AHCYL2: variants seen among roughly 807,000 people sequenced by gnomAD.
AHCYL2 encodes the protein S-adenosylhomocysteine hydrolase-like protein 2.
AHCYL2 carries 28 observed loss-of-function variants against 81.4 expected under a neutral mutation model. That is an observed-to-expected ratio of 0.34 (90% CI 0.25 to 0.47). The LOEUF is 0.47. Among genes scored for constraint, AHCYL2 ranks in the 20% least tolerant of loss-of-function variants. The probability of loss-of-function intolerance (pLI) is 1.00; values close to 1 mark genes in which losing one functional copy is unlikely to be tolerated. For synonymous variants in AHCYL2, 272 were observed against 290.2 expected, an observed-to-expected ratio of 0.94 and a Z score of 0.64; for missense variants, 551 against 785.1, an observed-to-expected ratio of 0.70 and a Z score of 3.56.
At position 129,424,830 on chromosome 7, in the gene AHCYL2, C is replaced by T. The variant is rs189317822; in HGVS notation, c.1561-44C>T. On this transcript the variant is annotated intron_variant, in intron 13 of 16. Coordinates refer to ENST00000325006, the MANE Select transcript of AHCYL2 (RefSeq NM_015328.4). ...TCTTCCCTCACTTCTCAAAGGCCAG[C>T]GACTTTGTCCTAATCCATTTGTGTC... is the stretch of plus-strand genomic sequence containing the variant. The T allele has an allele frequency of 1.4e-5, 22 of 1,607,122 alleles. No individual in the cohort carries two copies. The East Asian group carries it at 2.9e-4, about 21-fold the overall frequency.
intron 1 of AHCYL2, among the ~76,000 whole-genome samples, chr7:129,338,747 G>T (rs1328792943): frequency 6.6e-6 from 1 of 152,156 alleles, no homozygotes; most frequent in Non-Finnish European, 1.5e-5. Context: ...AAATCAATTT[G>T]TTGGAGCTTT....
intron 1 of AHCYL2, among the ~76,000 whole-genome samples, chr7:129,328,562 G>A (rs928746997): frequency 1.3e-5 from 2 of 151,746 alleles, no homozygotes; most frequent in South Asian, 2.1e-4. Context: ...TCAGCTCACC[G>A]CAACCTCCAC....
At chr7:129,388,964 G>A in intron 2 of AHCYL2, 92 bp from the exon 3 acceptor site, 1 of 1,498,028 alleles carries the variant, frequency 6.7e-7, no homozygotes, top group Non-Finnish European at 9.1e-7. Context: ...TATGGTGCTA[G>A]GTGGCTAGAG....
intron 1 of AHCYL2, among the ~76,000 whole-genome samples, chr7:129,293,392 G>A (rs920397415): frequency 6.6e-6 from 1 of 152,074 alleles, no homozygotes; most frequent in African/African-American, 2.4e-5. Flanking sequence ...AAATGTTCTA[G>A]TAGAAGCCAC....
chr7:129,351,455 T>G (rs2150830571), intron 1 of AHCYL2: 2 of 152,320 alleles, frequency 1.3e-5, no homozygotes, highest in Middle Eastern at 6.8e-3. Context: ...AACCCCACTC[T>G]ACACTCAAGA....
intron 1 of AHCYL2, among the ~76,000 whole-genome samples, chr7:129,237,616 A>G (rs1364310562): frequency 6.6e-6 from 1 of 152,020 alleles, no homozygotes; most frequent in East Asian, 1.9e-4. Flanking sequence ...AGCCCCAATG[A>G]TATCTCGGAT....
chr7:129,288,991 A>AG (rs1393277602), intron 1 of AHCYL2, among the ~76,000 whole-genome samples: 1 of 152,188 alleles, frequency 6.6e-6, no homozygotes, highest in East Asian at 1.9e-4. Context: ...CGTGTTGCCC[A>AG]GGCTGGTCCT....
intron 1 of AHCYL2, among the ~76,000 whole-genome samples, chr7:129,313,587 T>G (rs1170754330): frequency 6.6e-6 from 1 of 152,198 alleles, no homozygotes; most frequent in East Asian, 1.9e-4. Context: ...ACTGAAGTGA[T>G]AATACCTTGA....
At chr7:129,328,806 A>G (rs1451996431) in intron 1 of AHCYL2, among the ~76,000 whole-genome samples, 1 of 152,102 alleles carries the variant, frequency 6.6e-6, no homozygotes, top group Non-Finnish European at 1.5e-5. Context: ...TTCTAATGCT[A>G]TTGCTGCATA....
chr7:129,414,020 T>G (rs1174203449), intron 12 of AHCYL2, among the ~76,000 whole-genome samples: 1 of 152,192 alleles, frequency 6.6e-6, no homozygotes, highest in East Asian at 1.9e-4. Context: ...ATACAATGAA[T>G]GTGAATCAGT....
chr7:129,278,059 A>G (rs1796288512), intron 1 of AHCYL2, among the ~76,000 whole-genome samples: 1 of 152,188 alleles, frequency 6.6e-6, no homozygotes, highest in Admixed American at 6.6e-5. Flanking sequence ...ATTCCTCCAC[A>G]TCCTCATCAA....
At chr7:129,356,372 C>A (rs1391609720) in intron 1 of AHCYL2, among the ~76,000 whole-genome samples, 1 of 152,144 alleles carries the variant, frequency 6.6e-6, no homozygotes, top group Non-Finnish European at 1.5e-5. Flanking sequence ...TTTTAAATTA[C>A]TATAAACCAC....
At chr7:129,394,799 A>C (rs1187296166) in intron 4 of AHCYL2, among the ~76,000 whole-genome samples, 1 of 152,178 alleles carries the variant, frequency 6.6e-6, no homozygotes, top group East Asian at 1.9e-4. Context: ...ATCTATTCAT[A>C]GATGTTGTCT....
intron 1 of AHCYL2, among the ~76,000 whole-genome samples, chr7:129,265,794 G>A (rs1308170056): frequency 6.6e-6 from 1 of 152,206 alleles, no homozygotes; most frequent in Non-Finnish European, 1.5e-5. Flanking sequence ...GTAGGGTTGA[G>A]AATAGACTGA....
chr7:129,334,195 G>C (rs1798515583), intron 1 of AHCYL2, among the ~76,000 whole-genome samples: 2 of 152,156 alleles, frequency 1.3e-5, no homozygotes, highest in South Asian at 4.1e-4. Flanking sequence ...ACAGAAGTTA[G>C]TATATAGAAA....
intron 1 of AHCYL2, among the ~76,000 whole-genome samples, chr7:129,306,536 AT>A (rs1330530897): frequency 6.6e-6 from 1 of 151,824 alleles, no homozygotes; most frequent in Non-Finnish European, 1.5e-5. Flanking sequence ...CAAAACAGTT[AT>A]TTTGAATTCT....
At chr7:129,409,973 C>T in intron 11 of AHCYL2, 5 of 609,578 alleles carry the variant, frequency 8.2e-6, no homozygotes, top group Non-Finnish European at 1.4e-5. Context: ...AGTGAAGCAT[C>T]AGTAATCTCA....
At chr7:129,413,530 T>A in intron 11 of AHCYL2, 64 bp from the exon 12 acceptor site, 1 of 1,272,182 alleles carries the variant, frequency 7.9e-7, no homozygotes. Flanking sequence ...ATTTGCACAT[T>A]TATTTTCTCA....
chr7:129,416,641 T>C (rs1487359330), intron 12 of AHCYL2, among the ~76,000 whole-genome samples: 4 of 150,850 alleles, frequency 2.7e-5, no homozygotes, highest in Non-Finnish European at 4.4e-5. Flanking sequence ...CTACTAAAAA[T>C]CCAAAAAAAA....
Sources: allele counts gnomAD v4.1 joint callset (sites outside exome capture counted in the v4.1 genomes callset), GRCh38; gene constraint gnomAD v4.1.1; transcripts MANE v1.5; gene names NCBI Gene and HGNC (gene_info 2026-07-23, HGNC 2026-07-21).